Variants in SGPL1 observed in about 807,000 individuals in gnomAD.
The protein encoded by SGPL1 is SP-lyase 1.
A neutral mutation model predicts 68.9 loss-of-function variants in SGPL1; 37 were observed. That is an observed-to-expected ratio of 0.54 (90% confidence interval 0.41 to 0.71). The LOEUF (loss-of-function observed/expected upper bound fraction) is 0.71. Ranked by LOEUF, SGPL1 falls within the 30% of genes least tolerant of loss-of-function variation. The pLI is 0.00. For synonymous variants in SGPL1, 236 were observed against 248.5 expected (o/e 0.95, Z 0.47); for missense variants, 551 against 704.6 (o/e 0.78, Z 2.47).
chr10:70,873,713 CT>C, intron 12 of SGPL1, 124 bp downstream of exon 12: 1 of 747,152 alleles, frequency 1.3e-6, no homozygotes, highest in Non-Finnish European at 2.3e-6. Flanking sequence ...ATATAGAGGG[CT>C]TAGGGCAGCA....
chr10:70,825,364 C>A (rs1339079913), intron 2 of SGPL1, among the ~76,000 whole-genome samples: 1 of 152,118 alleles, frequency 6.6e-6, no homozygotes, highest in African/African-American at 2.4e-5. Context: ...GGCACATAGC[C>A]GAGCTGGAAA....
intron 2 of SGPL1, among the ~76,000 whole-genome samples, chr10:70,831,804 A>T (rs1331399080): frequency 6.6e-6 from 1 of 152,202 alleles, no homozygotes; most frequent in Non-Finnish European, 1.5e-5. Flanking sequence ...GACTGACCGG[A>T]AACCCAGCAA....
rs1846414922 is a variant in SGPL1, at chr10:70,877,494, C to T, written c.*159C>T. The T allele has an allele frequency of 3.5e-6, 2 of 568,858 alleles. No individual in the cohort carries two copies. The highest frequency in any genetic ancestry group is 1.8e-5 in the African/African-American group (1 of 54,658). The allele number at this position is 568,858 out of a possible 1,614,324, so 35.2% of individuals were successfully genotyped here. A position where few individuals can be genotyped will look rare whatever the true frequency, so the allele number is the denominator to read the frequency against. On this transcript the variant is annotated 3_prime_UTR_variant, in exon 15 of 15. Coordinates refer to ENST00000373202, the MANE Select transcript of SGPL1 (RefSeq NM_003901.4). ...GAGCCTCAGGATTCTTGTTCTTCCTCTTATCTTCCTTTTGTGGTTTTTAAT... is the reference window on the plus strand; with the variant it reads ...GAGCCTCAGGATTCTTGTTCTTCCTTTTATCTTCCTTTTGTGGTTTTTAAT...
At chr10:70,861,999 A>G (rs2131919140) in intron 7 of SGPL1, among the ~76,000 whole-genome samples, 1 of 152,280 alleles carries the variant, frequency 6.6e-6, no homozygotes, top group East Asian at 1.9e-4. Context: ...GCCCAGTCCC[A>G]TCGACCACCC....
At chr10:70,841,364 G>A (rs1222160880) in intron 2 of SGPL1, among the ~76,000 whole-genome samples, 2 of 152,142 alleles carry the variant, frequency 1.3e-5, no homozygotes, top group Admixed American at 6.6e-5. Context: ...TGCCATAAAC[G>A]TGGTGGCATA....
Position 70,857,710 on chromosome 10 carries a change from G to A in SGPL1, c.486+20G>A. The stretch of plus-strand genomic sequence containing the variant: ...GTGAAGGTGAGTGTCCAGTTCTTGA[G>A]GGAAGCCTGTGAGGTCTGTGCCAGT... On this transcript the variant is annotated intron_variant, in intron 6 of 14. Transcript: ENST00000373202. 1 of 1,577,376 alleles carries A rather than the reference G, an allele frequency of 6.3e-7. No individual in the cohort carries two copies. The highest frequency in any genetic ancestry group is 8.7e-7 in the Non-Finnish European group (1 of 1,153,942).
chr10:70,818,413 C>G, intron 2 of SGPL1, among the ~76,000 whole-genome samples: 1 of 152,174 alleles, frequency 6.6e-6, no homozygotes, highest in East Asian at 1.9e-4. Context: ...CGTGAGCCGC[C>G]GTGTCCAGCC....
At chr10:70,873,666 A>T in intron 12 of SGPL1, 77 bp downstream of exon 12, 1 of 1,063,404 alleles carries the variant, frequency 9.4e-7, no homozygotes, top group Non-Finnish European at 1.5e-6. Flanking sequence ...TGCCTGGCTA[A>T]GTATCCATAG....
At chr10:70,850,065 A>G (rs937174289) in intron 3 of SGPL1, among the ~76,000 whole-genome samples, 3 of 152,230 alleles carry the variant, frequency 2.0e-5, no homozygotes, top group Non-Finnish European at 4.4e-5. Flanking sequence ...CAGAAGGTCT[A>G]TTAGTCTATT....
intron 3 of SGPL1, 49 bp from the exon 4 acceptor site, chr10:70,851,094 C>T (rs752838746): frequency 6.9e-7 from 1 of 1,452,244 alleles, no homozygotes; most frequent in South Asian, 1.1e-5. Context: ...TATGCCAGGT[C>T]ATATCCATGG....
At chr10:70,828,312 ATTTTATTTTTTAT>A (rs1347121464) in intron 2 of SGPL1, among the ~76,000 whole-genome samples, 43 of 152,114 alleles carry the variant, frequency 2.8e-4, no homozygotes, top group African/African-American at 9.4e-4. Flanking sequence ...AGGCACTTTT[ATTTTATTTTTTAT>A]TTTTATTTTT....
chr10:70,869,596 G>A (rs1236096439), intron 8 of SGPL1, among the ~76,000 whole-genome samples, 196 bp from the exon 9 acceptor site: 1 of 152,132 alleles, frequency 6.6e-6, no homozygotes, highest in African/African-American at 2.4e-5. Context: ...CTAAATAGGA[G>A]GGAAGTTTCT....
In SGPL1 at chr10:70,873,596, G is replaced by A. The variant is rs567577172; in HGVS notation, c.1298+7G>A. 3.1e-6 allele frequency: 5 copies of A among 1,594,996 alleles called. No homozygotes were observed. Among genetic ancestry groups the A allele is most frequent in the African/African-American group, 2.7e-5 (2 of 74,716 alleles). On this transcript the variant is annotated splice_region_variant and intron_variant, in intron 12 of 14. Coordinates refer to ENST00000373202, the MANE Select transcript of SGPL1 (RefSeq NM_003901.4). ...CTCGCTTCCTCAAGTCAGAGTATGT[G>A]TGGAAGACTGGGGTTCTGCCTTGTC... is the stretch of plus-strand genomic sequence containing the variant.
intron 7 of SGPL1, among the ~76,000 whole-genome samples, chr10:70,863,227 T>A (rs1372060395): frequency 6.6e-6 from 1 of 151,736 alleles, no homozygotes; most frequent in Non-Finnish European, 1.5e-5. Flanking sequence ...GCTGAAGTGA[T>A]CTGCCTGCCT....
Position 70,817,916 on chromosome 10 carries a change from T to C in SGPL1, c.27+1036T>C, listed in dbSNP as rs192328992. On this transcript the variant is annotated intron_variant, in intron 2 of 14. Transcript: ENST00000373202. ...CCTGCTTTAGAGCTGTTTCCTCTCC[T>C]CCTGAGATCTTTCTGTGCTGTTTTA... Among the ~76,000 whole-genome samples, 626 of 152,310 alleles carry C rather than the reference T, an allele frequency of 4.1e-3. 3 individuals are homozygous for C. Among genetic ancestry groups the C allele is most frequent in the African/African-American group, 0.014 (591 of 41,562 alleles).
intron 2 of SGPL1, among the ~76,000 whole-genome samples, chr10:70,842,141 C>A (rs1845726537): frequency 6.6e-6 from 1 of 152,092 alleles, no homozygotes; most frequent in Non-Finnish European, 1.5e-5. Context: ...ACATAAAATG[C>A]ACGTATTATA....
At chr10:70,818,206 T>C (rs1250490651) in intron 2 of SGPL1, among the ~76,000 whole-genome samples, 3 of 152,156 alleles carry the variant, frequency 2.0e-5, no homozygotes, top group Non-Finnish European at 4.4e-5. Context: ...TTGCAACCTT[T>C]GCCTCCCGGG....
At position 70,877,749 on chromosome 10, in the gene SGPL1, G is replaced by A. The variant is rs982297209; in HGVS notation, c.*414G>A. The A allele has an allele frequency of 6.6e-6, 1 of 152,134 alleles. No individual in the cohort carries two copies. Among genetic ancestry groups the A allele is most frequent in the Non-Finnish European group, 1.4e-5 (1 of 70,402 alleles). The allele number at this position is 152,134 out of a possible 1,614,324, so 9.4% of individuals were successfully genotyped here. A position where few individuals can be genotyped will look rare whatever the true frequency, so the allele number is the denominator to read the frequency against. On this transcript the variant is annotated 3_prime_UTR_variant, in exon 15 of 15. Coordinates refer to ENST00000373202, the MANE Select transcript of SGPL1 (RefSeq NM_003901.4). ...GGCAGGAGGCGTTTACATAACAGAT[G>A]TTTCCTCAGCTGGGTGTGAGGTATA... is the stretch of plus-strand genomic sequence containing the variant.
rs116406868 is a variant in SGPL1, at chr10:70,843,539, G to A, written c.28-934G>A. ...GAGATAAGAAACAGATGAGTAGACT[G>A]CAAGGCAGGTTGTGATAAGCTCTGT... is the stretch of plus-strand genomic sequence containing the variant. On this transcript the variant is annotated intron_variant, in intron 2 of 14. Transcript: ENST00000373202. Among the ~76,000 whole-genome samples, 765 of 152,338 alleles carry A rather than the reference G, an allele frequency of 5.0e-3. 5 individuals are homozygous for A. The highest frequency in any genetic ancestry group is 0.017 in the African/African-American group (686 of 41,568).
Sources: allele counts gnomAD v4.1 joint callset (sites outside exome capture counted in the v4.1 genomes callset), GRCh38; gene constraint gnomAD v4.1.1; transcripts MANE v1.5; gene names NCBI Gene and HGNC (gene_info 2026-07-23, HGNC 2026-07-21).